TSC22D2: variants seen among roughly 807,000 people sequenced by gnomAD.
TSC22D2 encodes TSC22 domain family member 2.
TSC22D2 carries 5 observed loss-of-function variants against 50.1 expected under a neutral mutation model. That is an observed-to-expected ratio of 0.10 (90% confidence interval 0.05 to 0.21). TSC22D2 has a LOEUF of 0.21. Among genes scored for constraint, TSC22D2 ranks in the 10% least tolerant of loss-of-function variants. The pLI is 1.00. For synonymous variants in TSC22D2, 501 were observed against 450.1 expected (o/e 1.11, Z -1.43); for missense variants, 1,003 against 1,015.5 (o/e 0.99, Z 0.17).
In TSC22D2 at chr3:150,464,422, T is replaced by G. The variant is rs1721498047; in HGVS notation, c.*5786T>G. ...AGAAATTTAGGTTTCTTTTTTTTAT[T>G]TTATAAAAAAAATGTTGACATGCAA... On this transcript the variant is annotated 3_prime_UTR_variant, in exon 3 of 3. Coordinates refer to ENST00000688009, the MANE Select transcript of TSC22D2 (RefSeq NM_001303264.2). The G allele has an allele frequency of 6.6e-6, 1 of 152,158 alleles. No homozygotes were observed. Among genetic ancestry groups the G allele is most frequent in the South Asian group, 2.1e-4 (1 of 4,826 alleles). The allele number at this position is 152,158 out of a possible 1,614,324, so 9.4% of individuals were successfully genotyped here.
chr3:150,437,471 G>A (rs751076356), intron 1 of TSC22D2, among the ~76,000 whole-genome samples: 57 of 151,914 alleles, frequency 3.8e-4, no homozygotes, highest in Non-Finnish European at 5.6e-4. Context: ...TTAAATGATC[G>A]GTATGGATTG....
At chr3:150,413,317 G>A (rs1004164081) in intron 1 of TSC22D2, among the ~76,000 whole-genome samples, 1 of 152,156 alleles carries the variant, frequency 6.6e-6, no homozygotes, top group African/African-American at 2.4e-5. Flanking sequence ...CAGTGCAGGG[G>A]TTTTGATGTA....
At chr3:150,440,739 C>T (rs1720687988) in intron 1 of TSC22D2, among the ~76,000 whole-genome samples, 1 of 152,010 alleles carries the variant, frequency 6.6e-6, no homozygotes, top group Non-Finnish European at 1.5e-5. Flanking sequence ...TTTTGGGATA[C>T]ATGAAGTTTT....
chr3:150,457,884 C>A (rs1029648646), intron 2 of TSC22D2, among the ~76,000 whole-genome samples: 17 of 152,298 alleles, frequency 1.1e-4, no homozygotes, highest in African/African-American at 4.1e-4. Flanking sequence ...GATCTACACG[C>A]CTCAGCCTCC....
At chr3:150,433,904 A>G (rs537866452) in intron 1 of TSC22D2, among the ~76,000 whole-genome samples, 1 of 152,170 alleles carries the variant, frequency 6.6e-6, no homozygotes, top group Non-Finnish European at 1.5e-5. Context: ...GCAAAACCTC[A>G]TCTCTACAAA....
chr3:150,421,179 A>C (rs1211260052), intron 1 of TSC22D2, among the ~76,000 whole-genome samples: 1 of 152,224 alleles, frequency 6.6e-6, no homozygotes, highest in Non-Finnish European at 1.5e-5. Flanking sequence ...GTAGACTTGC[A>C]GAATAACTTC....
At chr3:150,453,177 G>C (rs1721091922) in intron 1 of TSC22D2, among the ~76,000 whole-genome samples, 1 of 152,072 alleles carries the variant, frequency 6.6e-6, no homozygotes, top group African/African-American at 2.4e-5. Context: ...CCTTTTCTTA[G>C]GGAGCTTAAG....
intron 1 of TSC22D2, among the ~76,000 whole-genome samples, chr3:150,431,265 A>T (rs1195603039): frequency 6.6e-6 from 1 of 150,446 alleles, no homozygotes; most frequent in Non-Finnish European, 1.5e-5. Context: ...TAGATAGGAA[A>T]TACCATATCC....
rs887616901 is a variant in TSC22D2, at chr3:150,455,494, TAAAC to T, written c.1959-1577_1959-1574del. 3.3e-5 allele frequency among the ~76,000 whole-genome samples: 5 copies of T among 152,326 alleles called. No individual in the cohort carries two copies. In the East Asian group the frequency reaches 9.6e-4, roughly 29 times the overall value. On this transcript the variant is annotated intron_variant, in intron 1 of 2. Coordinates refer to ENST00000688009, the MANE Select transcript of TSC22D2 (RefSeq NM_001303264.2). ...GTAATTAATGTGGTTAATGCTCAAA[TAAAC>T]AAACGTAGTTTCCCATGTAATGATT...
At position 150,464,958 on chromosome 3, in the gene TSC22D2, G is replaced by A. The variant is rs1167310702; in HGVS notation, c.*6322G>A. The A allele has an allele frequency of 1.3e-5, 2 of 152,148 alleles. No homozygotes were observed. Among genetic ancestry groups the A allele is most frequent in the East Asian group, 3.8e-4 (2 of 5,198 alleles). 9.4% of individuals were successfully genotyped at this position (152,148 alleles called of 1,614,324 possible). A position where few individuals can be genotyped will look rare whatever the true frequency, so the allele number is the denominator to read the frequency against. On this transcript the variant is annotated 3_prime_UTR_variant, in exon 3 of 3. Coordinates refer to ENST00000688009, the MANE Select transcript of TSC22D2 (RefSeq NM_001303264.2). Reference sequence around the variant, plus strand: ...ACAAGTGACACTTATTATCTTGGCTGACAAAATCAGCTACCATTTAATGAA... The same window carrying A: ...ACAAGTGACACTTATTATCTTGGCTAACAAAATCAGCTACCATTTAATGAA...
intron 1 of TSC22D2, among the ~76,000 whole-genome samples, chr3:150,434,787 T>A (rs1720483431): frequency 1.3e-5 from 2 of 152,170 alleles, no homozygotes; most frequent in Non-Finnish European, 2.9e-5. Context: ...AAACACTTTA[T>A]ATATGTGTAT....
intron 1 of TSC22D2, among the ~76,000 whole-genome samples, chr3:150,444,540 T>C (rs1321499278): frequency 1.3e-5 from 2 of 152,062 alleles, no homozygotes; most frequent in Non-Finnish European, 1.5e-5. Context: ...CTAAGGAAAA[T>C]GTAGGTGGAG....
At chr3:150,427,196 AT>A (rs1174514401) in intron 1 of TSC22D2, among the ~76,000 whole-genome samples, 1 of 152,062 alleles carries the variant, frequency 6.6e-6, no homozygotes, top group African/African-American at 2.4e-5. Context: ...GACTTGTAAA[AT>A]TTTTTTATTG....
intron 1 of TSC22D2, among the ~76,000 whole-genome samples, chr3:150,452,677 T>TA (rs771623520): frequency 7.2e-5 from 11 of 152,216 alleles, no homozygotes; most frequent in Non-Finnish European, 1.5e-4. Flanking sequence ...GTAGCATTGA[T>TA]ACTCTGAGTT....
rs766511249 is a variant in TSC22D2 at position 150,410,733 on chromosome 3, T to C, written c.1383T>C (p.Thr461=). The change falls in exon 1 of 3, where the codon ACT becomes ACC. Residue 461 remains threonine, a synonymous_variant. Coordinates refer to ENST00000688009, the MANE Select transcript of TSC22D2 (RefSeq NM_001303264.2). ...PCQPTGVPPA[T]VGGVVQPCLG... ...AGCCGACTGGAGTGCCCCCGGCTAC[T>C]GTGGGAGGCGTGGTGCAGCCGTGCC... The C allele has an allele frequency of 7.5e-6, 12 of 1,599,782 alleles. 1 individual carries two copies. The South Asian group carries it at 1.1e-4, about 15-fold the overall frequency.
chr3:150,411,102 C>G lies in TSC22D2; in HGVS notation c.1752C>G (p.Thr584=), dbSNP rs770141445. 1 of 1,614,156 alleles carries G rather than the reference C, an allele frequency of 6.2e-7. No homozygotes were observed. The highest frequency in any genetic ancestry group is 8.5e-7 in the Non-Finnish European group (1 of 1,180,022). ...ACCTAAGCCAGTTTCAAACTCAGAC[C>G]CAGCCTTTAGTCGGGCAAGTCGACG... ...QSDLSQFQTQ[T]QPLVGQVDDT... is the part of the protein sequence containing the mutation. The change falls in exon 1 of 3, where the codon ACC becomes ACG. Residue 584 remains threonine (T), a synonymous_variant. Transcript: ENST00000688009.
At chr3:150,413,655 G>A (rs1719678514) in intron 1 of TSC22D2, among the ~76,000 whole-genome samples, 1 of 150,394 alleles carries the variant, frequency 6.6e-6, no homozygotes, top group South Asian at 2.1e-4. Context: ...CAGTTTTCCA[G>A]GCATATGTTT....
At chr3:150,432,161 C>T (rs548954274) in intron 1 of TSC22D2, among the ~76,000 whole-genome samples, 42 of 152,202 alleles carry the variant, frequency 2.8e-4, no homozygotes, top group African/African-American at 9.4e-4. Context: ...CATCTGTTTT[C>T]GACACATTAC....
In TSC22D2 at chr3:150,450,874, G is replaced by C. The variant is rs527478901; in HGVS notation, c.1959-6202G>C. Among the ~76,000 whole-genome samples, 79 of 152,200 alleles carry C rather than the reference G, an allele frequency of 5.2e-4. 1 individual carries two copies. Among genetic ancestry groups the C allele is most frequent in the Admixed American group, 2.5e-3 (38 of 15,286 alleles). On this transcript the variant is annotated intron_variant, in intron 1 of 2. Transcript: ENST00000688009. ...TAGAGAATAGGCAAAATGTTACCCA[G>C]GTTAGAATTAATGCATTTTAGTAGT...
Sources: gnomAD v4.1 joint callset for allele counts (sites outside exome capture counted in the v4.1 genomes callset) on GRCh38, gnomAD v4.1.1 for gene constraint, MANE v1.5 for transcripts, NCBI Gene and HGNC (gene_info 2026-07-23, HGNC 2026-07-21) for gene names.